TBCD: variants seen among roughly 807,000 people sequenced by gnomAD.
TBCD encodes the protein tubulin folding cofactor D.
TBCD carries 105 observed loss-of-function variants against 169.3 expected under a neutral mutation model. The ratio of observed to expected loss-of-function variants is 0.62; its 90% confidence interval spans 0.53 to 0.73. The LOEUF (loss-of-function observed/expected upper bound fraction) is 0.73. TBCD is among the 30% of genes least tolerant of loss of function. The pLI is 0.00. For synonymous variants in TBCD, 700 were observed against 643.9 expected, an observed-to-expected ratio of 1.09 and a Z score of -1.32; for missense variants, 1,444 against 1,600.1, an observed-to-expected ratio of 0.90 and a Z score of 1.66.
rs537469249 is a variant in TBCD at position 82,841,099 on chromosome 17, C to T, written c.1318+26165C>T. Among the ~76,000 whole-genome samples the T allele has an allele frequency of 1.2e-3, 177 of 149,890 alleles. 1 individual carries two copies. The Middle Eastern group carries it at 0.017, about 15-fold the overall frequency. ...CTGGGACTACAGGCGCCTGCCACCA[C>T]GCCCGGCTAATTTTTTGTATTTTTA... is the stretch of plus-strand genomic sequence containing the variant. On this transcript the variant is annotated intron_variant, in intron 13 of 38. Transcript: ENST00000355528.
At position 82,762,182 on chromosome 17, in the gene TBCD, G is replaced by A. The variant is rs544212159; in HGVS notation, c.236-1783G>A. ...ATACAAAAAATTAGCCCAGTGTGGC[G>A]GTGTGCGCATGTAGTCCCAGCTACT... On this transcript the variant is annotated intron_variant, in intron 2 of 38. Coordinates refer to ENST00000355528, the MANE Select transcript of TBCD (RefSeq NM_005993.5). Among the ~76,000 whole-genome samples, 30 of 151,514 alleles carry A rather than the reference G, an allele frequency of 2.0e-4. No individual in the cohort carries two copies. The South Asian group carries it at 5.2e-3, about 26-fold the overall frequency.
intron 13 of TBCD, among the ~76,000 whole-genome samples, chr17:82,836,024 A>C (rs9903208): frequency 0.45 from 68,684 of 152,128 alleles, 15,602 homozygotes; most frequent in East Asian, 0.54. Flanking sequence ...AGAAGCTACA[A>C]GGCACCGGGT....
At chr17:82,904,038 G>T (rs2060060456) in intron 19 of TBCD, among the ~76,000 whole-genome samples, 1 of 46,084 alleles carries the variant, frequency 2.2e-5, no homozygotes, top group Non-Finnish European at 4.1e-5. Flanking sequence ...TGGTCTCTAG[G>T]TGGCTCGCAC....
At chr17:82,768,940 C>T (rs1026051363) in intron 5 of TBCD, among the ~76,000 whole-genome samples, 1 of 152,184 alleles carries the variant, frequency 6.6e-6, no homozygotes, top group African/African-American at 2.4e-5. Flanking sequence ...AAGAAAAATA[C>T]TAAATTTAAA....
At chr17:82,775,912 A>G (rs983336835) in intron 6 of TBCD, among the ~76,000 whole-genome samples, 1 of 151,940 alleles carries the variant, frequency 6.6e-6, no homozygotes, top group African/African-American at 2.4e-5. Context: ...TTAAAAAAAA[A>G]CCCCTTTAAT....
intron 32 of TBCD, 36 bp downstream of exon 32, chr17:82,929,536 G>A: frequency 6.3e-7 from 1 of 1,599,570 alleles, no homozygotes. Context: ...GCAGGAGGTG[G>A]CTCCAGGAGT....
intron 13 of TBCD, chr17:82,840,068 C>A: frequency 6.6e-6 from 1 of 152,156 alleles, no homozygotes; most frequent in Non-Finnish European, 1.5e-5. Context: ...AGGAGTTGAG[C>A]CCTCGGGGCG....
intron 13 of TBCD, among the ~76,000 whole-genome samples, chr17:82,857,898 A>G (rs1298316504): frequency 6.7e-6 from 1 of 150,018 alleles, no homozygotes; most frequent in African/African-American, 2.4e-5. Context: ...CTCGTCATCT[A>G]GCATTATTTT....
At chr17:82,873,068 G>C (rs79299098) in intron 14 of TBCD, among the ~76,000 whole-genome samples, 40 of 152,028 alleles carry the variant, frequency 2.6e-4, no homozygotes, top group Non-Finnish European at 5.4e-4. Context: ...CTGCCTCGTG[G>C]CTGAGAAGCT....
At chr17:82,760,736 A>G (rs535005642) in intron 2 of TBCD, among the ~76,000 whole-genome samples, 1 of 152,326 alleles carries the variant, frequency 6.6e-6, no homozygotes, top group Admixed American at 6.5e-5. Flanking sequence ...TCACTACCAC[A>G]ATCTAGGCAT....
intron 7 of TBCD, among the ~76,000 whole-genome samples, chr17:82,792,358 C>T: frequency 1.8e-5 from 1 of 57,132 alleles, no homozygotes; most frequent in South Asian, 4.8e-4. Context: ...TACATGTGTG[C>T]ACACACACAC....
In TBCD at chr17:82,815,278, C is replaced by CT. The variant is rs1206214574; in HGVS notation, c.1318+345dup. On this transcript the variant is annotated intron_variant, in intron 13 of 38. Coordinates refer to ENST00000355528, the MANE Select transcript of TBCD (RefSeq NM_005993.5). ...GGAGGGCCACGAATCCTTGTAATGT[C>CT]TGATTTTCTTACTCCCCAAAACCGG... Among the ~76,000 whole-genome samples the CT allele has an allele frequency of 2.6e-5, 4 of 152,336 alleles. No individual in the cohort carries two copies. In the East Asian group the frequency reaches 5.8e-4, roughly 22 times the overall value.
chr17:82,753,635 T>C (rs2047237768), intron 1 of TBCD, among the ~76,000 whole-genome samples: 1 of 144,894 alleles, frequency 6.9e-6, no homozygotes, highest in African/African-American at 2.6e-5. Context: ...TTTGTATTTT[T>C]AGTAGAGGGG....
intron 13 of TBCD, 83 bp downstream of exon 13, chr17:82,815,017 C>T (rs1010399211): frequency 7.2e-5 from 113 of 1,580,326 alleles, no homozygotes; most frequent in South Asian, 2.5e-4. Flanking sequence ...CATCTCGACT[C>T]GTGGATGGTG....
chr17:82,858,550 T>C, intron 13 of TBCD: 2 of 985,170 alleles, frequency 2.0e-6, no homozygotes, highest in Non-Finnish European at 2.4e-6. Flanking sequence ...AGGTTTTGCT[T>C]GTGAAAGTAG....
intron 7 of TBCD, among the ~76,000 whole-genome samples, chr17:82,781,990 C>G (rs1332028706): frequency 6.6e-6 from 1 of 152,188 alleles, no homozygotes; most frequent in African/African-American, 2.4e-5. Context: ...GCCGGGGCTC[C>G]CCAGGGTAGG....
At position 82,932,741 on chromosome 17, in the gene TBCD, G is replaced by A. The variant is rs759362666; in HGVS notation, c.3191+6G>A. 6.2e-7 allele frequency: 1 copy of A among 1,613,736 alleles called. No individual in the cohort carries two copies. The highest frequency in any genetic ancestry group is 8.5e-7 in the Non-Finnish European group (1 of 1,179,840). On this transcript the variant is annotated splice_donor_region_variant and intron_variant, in intron 34 of 38. Transcript: ENST00000355528. ...ATCTTCACCACGGAGGAGGAGTGAG[G>A]CTCTGCTTTTCATGACTTCCTTTCC...
Position 82,889,279 on chromosome 17 carries a change from G to T in TBCD, c.1534-389G>T, listed in dbSNP as rs576487721. 6.6e-6 allele frequency among the ~76,000 whole-genome samples: 1 copy of T among 152,148 alleles called. No individual in the cohort carries two copies. The highest frequency in any genetic ancestry group is 1.5e-5 in the Non-Finnish European group (1 of 68,004). ...GGCAGGGCGCCCTCCCTGGAGGGCG[G>T]CACGTGGTGCCAGTTGGTGACCATG... is the stretch of plus-strand genomic sequence containing the variant. On this transcript the variant is annotated intron_variant, in intron 15 of 38. Transcript: ENST00000355528. The surrounding 1 kb of genome is among the most constrained non-coding windows in gnomAD (Gnocchi z 5.3).
chr17:82,871,738 G>A (rs990816136), intron 14 of TBCD, among the ~76,000 whole-genome samples: 1 of 152,210 alleles, frequency 6.6e-6, no homozygotes, highest in African/African-American at 2.4e-5. Flanking sequence ...CGCACGCCCC[G>A]CGAGCACCAG....
Sources: allele counts gnomAD v4.1 joint callset (sites outside exome capture counted in the v4.1 genomes callset), GRCh38; gene constraint gnomAD v4.1.1; non-coding constraint Gnocchi (gnomAD v3.1); transcripts MANE v1.5; gene names NCBI Gene and HGNC (gene_info 2026-07-23, HGNC 2026-07-21).